Variants in MEGF11 observed in about 807,000 individuals in gnomAD.
The protein encoded by MEGF11 is multiple EGF like domains 11, also known as multiple epidermal growth factor-like domains protein 11.
A neutral mutation model predicts 146.6 loss-of-function variants in MEGF11; 126 were observed. The ratio of observed to expected loss-of-function variants is 0.86; its 90% CI spans 0.74 to 1.00. MEGF11 has a LOEUF of 1.00. MEGF11 is among the 50% of genes least tolerant of loss of function. MEGF11 has a pLI of 0.00. For synonymous variants in MEGF11, 532 were observed against 583.4 expected, an observed-to-expected ratio of 0.91 and a Z score of 1.27; for missense variants, 1,509 against 1,521.2, an observed-to-expected ratio of 0.99 and a Z score of 0.13.
chr15:66,120,411 C>T (rs1212946869), intron 3 of MEGF11, among the ~76,000 whole-genome samples: 6 of 152,218 alleles, frequency 3.9e-5, no homozygotes, highest in Admixed American at 2.6e-4. Flanking sequence ...CCTCTTTCCA[C>T]TTTTCCATCA....
rs559917221 is a variant in MEGF11 at position 66,240,021 on chromosome 15, G to A, written c.-9+13584C>T. 3.9e-5 allele frequency among the ~76,000 whole-genome samples: 6 copies of A among 152,246 alleles called. No individual in the cohort carries two copies. In the South Asian group the frequency reaches 8.3e-4, roughly 21 times the overall value. On this transcript the variant is annotated intron_variant, in intron 1 of 25. Transcript: ENST00000395614. Reference sequence around the variant, plus strand: ...CAGCTTTCTTTTCTCCCGAAGTGGCGGCTGGCATTCGCTTTTCCTCCCTCC... The same window carrying A: ...CAGCTTTCTTTTCTCCCGAAGTGGCAGCTGGCATTCGCTTTTCCTCCCTCC...
intron 1 of MEGF11, among the ~76,000 whole-genome samples, chr15:66,141,308 G>GAGAA (rs762646790): frequency 1.1e-4 from 17 of 148,494 alleles, no homozygotes; most frequent in South Asian, 2.2e-4. Context: ...GAGAGAGAGA[G>GAGAA]ACAGGGATAG....
intron 1 of MEGF11, among the ~76,000 whole-genome samples, chr15:66,217,658 T>C (rs2091620433): frequency 6.6e-6 from 1 of 152,242 alleles, no homozygotes; most frequent in Non-Finnish European, 1.5e-5. Flanking sequence ...CCTGATGTTG[T>C]GGGTACCACA....
intron 4 of MEGF11, among the ~76,000 whole-genome samples, chr15:66,108,238 C>T (rs2087197100): frequency 6.6e-6 from 1 of 152,196 alleles, no homozygotes; most frequent in African/African-American, 2.4e-5. Context: ...CTGGAGTGGG[C>T]AGCCCTGGAC....
At chr15:65,943,140 C>T (rs1223995307) in intron 10 of MEGF11, among the ~76,000 whole-genome samples, 3 of 151,842 alleles carry the variant, frequency 2.0e-5, no homozygotes, top group African/African-American at 7.3e-5. Context: ...TGCCACCAGG[C>T]CTGGCTAATT....
rs775566970 is a variant in MEGF11, at chr15:65,916,295, C to G, written c.2216-19G>C. On this transcript the variant is annotated intron_variant, in intron 17 of 25. Coordinates refer to ENST00000395614, the MANE Select transcript of MEGF11 (RefSeq NM_001385028.1). ...GGGCAGCCTAGAGAAACAGGATTTC[C>G]AGTCACGAGAGTTGCTGCTGGGTGG... 43 of 1,549,384 alleles carry G rather than the reference C, an allele frequency of 2.8e-5. No individual in the cohort carries two copies. The highest frequency in any genetic ancestry group is 2.5e-4 in the South Asian group (21 of 83,922).
intron 1 of MEGF11, among the ~76,000 whole-genome samples, chr15:66,175,178 A>T (rs1359013114): frequency 6.6e-6 from 1 of 152,166 alleles, no homozygotes; most frequent in East Asian, 1.9e-4. Context: ...TCCAATTTGG[A>T]TGCCTTTTAT....
intron 5 of MEGF11, among the ~76,000 whole-genome samples, chr15:66,085,345 G>T (rs942434451): frequency 1.3e-5 from 2 of 152,262 alleles, no homozygotes; most frequent in Admixed American, 1.3e-4. Flanking sequence ...TCTGGAAAGC[G>T]CCACCTCCTG....
intron 5 of MEGF11, among the ~76,000 whole-genome samples, chr15:66,069,072 C>T (rs1434183859): frequency 1.3e-5 from 2 of 152,234 alleles, no homozygotes; most frequent in African/African-American, 2.4e-5. Flanking sequence ...CTCTCTCAGC[C>T]TCAGCTTCTG....
chr15:66,082,989 T>C (rs2085957600), intron 5 of MEGF11, among the ~76,000 whole-genome samples: 1 of 152,184 alleles, frequency 6.6e-6, no homozygotes, highest in South Asian at 2.1e-4. Context: ...GCCCCCATCC[T>C]ATACCTCTGC....
intron 10 of MEGF11, among the ~76,000 whole-genome samples, chr15:65,939,178 C>G (rs969846884): frequency 2.6e-5 from 4 of 152,164 alleles, no homozygotes; most frequent in Non-Finnish European, 5.9e-5. Flanking sequence ...GTGGCATGAG[C>G]CTGCCAGCCT....
chr15:66,158,752 C>T (rs2089850229), intron 1 of MEGF11, among the ~76,000 whole-genome samples: 1 of 152,156 alleles, frequency 6.6e-6, no homozygotes, highest in Non-Finnish European at 1.5e-5. Context: ...AAATCACCGG[C>T]TCTCAAATAT....
chr15:65,909,790 A>G lies in MEGF11; in HGVS notation c.2846T>C (p.Leu949Pro), dbSNP rs2078740698. Residue 949 changes from leucine to proline, a missense_variant, in exon 22 of 26, where the codon CTT becomes CCT. Transcript: ENST00000395614. ...NSPTKLSNKS[L>P]DRDTAGWTPY... ...GGTCCAGCCTGCTGTGTCTCTGTCA[A>G]GGGACTTGTTACTGAGCTGTTTGGA... 6.3e-7 allele frequency: 1 copy of G among 1,582,516 alleles called. No individual in the cohort carries two copies. The highest frequency in any genetic ancestry group is 2.3e-5 in the East Asian group (1 of 44,094).
intron 5 of MEGF11, among the ~76,000 whole-genome samples, chr15:66,084,208 C>T (rs557337150): frequency 7.9e-5 from 12 of 152,190 alleles, no homozygotes; most frequent in East Asian, 5.8e-4. Flanking sequence ...TGGTGCATGA[C>T]GGTATCTAAT....
intron 2 of MEGF11, among the ~76,000 whole-genome samples, chr15:66,124,732 T>A (rs2088247860): frequency 6.6e-6 from 1 of 152,228 alleles, no homozygotes; most frequent in South Asian, 2.1e-4. Flanking sequence ...GCCTGTTAGC[T>A]GTAAACCTGG....
intron 7 of MEGF11, among the ~76,000 whole-genome samples, chr15:65,975,756 T>G (rs913402340): frequency 1.3e-5 from 2 of 152,200 alleles, no homozygotes; most frequent in Non-Finnish European, 2.9e-5. Context: ...AGATTAGAGA[T>G]GTGAAGGAAC....
intron 5 of MEGF11, among the ~76,000 whole-genome samples, chr15:66,025,573 A>C (rs1045289793): frequency 6.6e-5 from 10 of 152,112 alleles, no homozygotes; most frequent in African/African-American, 2.2e-4. Flanking sequence ...AAAACCTAAA[A>C]TCTCCAAGCC....
chr15:66,167,459 T>C (rs571811335), intron 1 of MEGF11, among the ~76,000 whole-genome samples: 13 of 152,092 alleles, frequency 8.5e-5, no homozygotes, highest in African/African-American at 1.7e-4. Context: ...CTGACCAACA[T>C]GGAGAAACTC....
At position 65,942,835 on chromosome 15, in the gene MEGF11, C is replaced by T. The variant is rs142015576; in HGVS notation, c.1288-11892G>A. Among the ~76,000 whole-genome samples, 9 of 152,120 alleles carry T rather than the reference C, an allele frequency of 5.9e-5. No individual in the cohort carries two copies. In the East Asian group the frequency reaches 1.7e-3, roughly 29 times the overall value. The stretch of plus-strand genomic sequence containing the variant: ...CTGAGAACAGAATGAAGCTTCCCTG[C>T]AAATCCTGGGCCTCAGTCTTCAGGG... On this transcript the variant is annotated intron_variant, in intron 10 of 25. Coordinates refer to ENST00000395614, the MANE Select transcript of MEGF11 (RefSeq NM_001385028.1).
Sources: gnomAD v4.1 joint callset for allele counts (sites outside exome capture counted in the v4.1 genomes callset) on GRCh38, gnomAD v4.1.1 for gene constraint, MANE v1.5 for transcripts, NCBI Gene and HGNC (gene_info 2026-07-23, HGNC 2026-07-21) for gene names.